The following HMGN1 variants were observed in gnomAD, a reference collection of about 807,000 sequenced individuals.
The protein encoded by HMGN1 is non-histone chromosomal protein HMG-14.
Under a neutral mutation model 18.4 loss-of-function variants are expected in HMGN1, and 9 were observed. That is an observed-to-expected ratio of 0.49 (90% CI 0.29 to 0.85). HMGN1 has a LOEUF of 0.85. HMGN1 is among the 40% of genes least tolerant of loss of function. The pLI is 0.07. For missense variants in HMGN1, 151 were observed against 119.2 expected, an observed-to-expected ratio of 1.27 and a Z score of -1.24; for synonymous variants, 59 against 45.0, an observed-to-expected ratio of 1.31 and a Z score of -1.24.
intron 1 of HMGN1, 138 bp downstream of exon 1, chr21:39,348,765 G>C: frequency 9.5e-7 from 1 of 1,054,780 alleles, no homozygotes; most frequent in Non-Finnish European, 1.3e-6. Flanking sequence ...CCGAGCGCTC[G>C]CCTGCCCGCC....
chr21:39,347,214 G>A, intron 4 of HMGN1: 1 of 465,954 alleles, frequency 2.1e-6, no homozygotes, highest in African/African-American at 2.1e-5. Context: ...CTGGTAATGA[G>A]AAATTTAAAG....
At chr21:39,348,601 TAG>T in intron 1 of HMGN1, 24 bp from the exon 2 acceptor site, 1 of 1,574,944 alleles carries the variant, frequency 6.3e-7, no homozygotes, top group Non-Finnish European at 8.6e-7. Flanking sequence ...GACGCACGAA[TAG>T]AGGCGGGCCG....
rs758194960 is a variant in HMGN1, at chr21:39,348,580, GCGGAGA to G, written c.16-9_16-4del. ...GCGGCGCCTTCGGCGGAGCTGACCT[GCGGAGA>G]CGGAGACGCACGAATAGAGGCGGGC... On this transcript the variant is annotated splice_region_variant and splice_polypyrimidine_tract_variant and intron_variant, in intron 1 of 5. Coordinates refer to ENST00000380749, the MANE Select transcript of HMGN1 (RefSeq NM_004965.7). The G allele has an allele frequency of 6.2e-7, 1 of 1,602,518 alleles. No homozygotes were observed. The highest frequency in any genetic ancestry group is 1.7e-5 in the Admixed American group (1 of 57,308).
intron 4 of HMGN1, chr21:39,347,473 T>G: frequency 2.3e-6 from 3 of 1,289,056 alleles, no homozygotes; most frequent in Non-Finnish European, 3.1e-6. Context: ...AGTGCTAAAC[T>G]TCTACCTACA....
rs1174017890 is a variant in HMGN1 at position 39,342,667 on chromosome 21, A to C, written c.*445T>G. On this transcript the variant is annotated 3_prime_UTR_variant, in exon 6 of 6. Coordinates refer to ENST00000380749, the MANE Select transcript of HMGN1 (RefSeq NM_004965.7). ...GAGTGCACACAATTCTGGCAGAGAG[A>C]GCCATGATCAAAGAGTGGTTTTCTT... The C allele has an allele frequency of 3.0e-6, 1 of 330,344 alleles. No individual in the cohort carries two copies. Among genetic ancestry groups the C allele is most frequent in the South Asian group, 2.3e-5 (1 of 43,442 alleles). The allele number at this position is 330,344 out of a possible 1,614,324, so 20.5% of individuals were successfully genotyped here.
intron 4 of HMGN1, chr21:39,347,416 A>T (rs2037094203): frequency 7.9e-7 from 1 of 1,264,522 alleles, no homozygotes; most frequent in Admixed American, 2.6e-5. Flanking sequence ...ATTATCCAAC[A>T]ACTCCTCAAT....
rs531651501 is a variant in HMGN1 at position 39,346,241 on chromosome 21, G to C, written c.127-967C>G. 6.7e-4 allele frequency: 223 copies of C among 331,412 alleles called. 2 individuals carry two copies. The highest frequency in any genetic ancestry group is 4.2e-3 in the African/African-American group (192 of 46,234). 20.5% of individuals were successfully genotyped at this position (331,412 alleles called of 1,614,324 possible). On this transcript the variant is annotated intron_variant, in intron 4 of 5. Transcript: ENST00000380749. ...CACAACTTCAATGCTAACACGGGCG[G>C]AAAAATCACTGCAGGGTGTTCTGTA...
intron 5 of HMGN1, among the ~76,000 whole-genome samples, chr21:39,343,997 G>T (rs1227584727): frequency 1.3e-5 from 2 of 152,202 alleles, no homozygotes; most frequent in Non-Finnish European, 2.9e-5. Context: ...GCTCACACCT[G>T]TAATACCAGC....
Position 39,348,896 on chromosome 21 carries a change from C to T in HMGN1, c.15+7G>A, listed in dbSNP as rs999914075. On this transcript the variant is annotated splice_region_variant and intron_variant, in intron 1 of 5. Coordinates refer to ENST00000380749, the MANE Select transcript of HMGN1 (RefSeq NM_004965.7). ...GGGGGCGTGTGCGGGCCGCGGCCGC[C>T]GCTCACCTTCCTCTTGGGCATCGTG... is the stretch of plus-strand genomic sequence containing the variant. 13 of 1,162,694 alleles carry T rather than the reference C, an allele frequency of 1.1e-5. No homozygotes were observed. In the African/African-American group the frequency reaches 1.9e-4, roughly 17 times the overall value. 72.0% of individuals were successfully genotyped at this position (1,162,694 alleles called of 1,614,324 possible).
At position 39,347,432 on chromosome 21, in the gene HMGN1, G is replaced by C. The variant is rs1352672675; in HGVS notation, c.126+860C>G. ...TTATCCAACAACTCCTCAATGTCAA[G>C]GAAATTAATCTTGCCTCTTCTGATG... On this transcript the variant is annotated intron_variant, in intron 4 of 5. Transcript: ENST00000380749. The C allele has an allele frequency of 2.3e-6, 3 of 1,286,018 alleles. No individual in the cohort carries two copies. The African/African-American group carries it at 4.6e-5, about 20-fold the overall frequency. The allele number at this position is 1,286,018 out of a possible 1,614,324, so 79.7% of individuals were successfully genotyped here.
Position 39,342,566 on chromosome 21 carries a change from C to T in HMGN1, c.*546G>A, listed in dbSNP as rs546281671. 2.3e-5 allele frequency: 7 copies of T among 306,406 alleles called. No homozygotes were observed. Among genetic ancestry groups the T allele is most frequent in the African/African-American group, 1.6e-4 (7 of 44,764 alleles). The allele number at this position is 306,406 out of a possible 1,614,324, so 19.0% of individuals were successfully genotyped here. On this transcript the variant is annotated 3_prime_UTR_variant, in exon 6 of 6. Coordinates refer to ENST00000380749, the MANE Select transcript of HMGN1 (RefSeq NM_004965.7). ...TCACAACTCAACAGCACGTACACTA[C>T]ATGTTCAAATCTGTAATCTTTCACA...
At chr21:39,345,109 T>TCACATACACACACACACACACACA (rs2036997708) in intron 5 of HMGN1, 37 bp downstream of exon 5, 1 of 1,123,312 alleles carries the variant, frequency 8.9e-7, no homozygotes, top group African/African-American at 1.6e-5. Context: ...GTCAAAGCAA[T>TCACATACACACACACACACACACA]CACACACACA....
rs2037175861 is a variant in HMGN1, at chr21:39,349,018, C to T, written c.-101G>A. 2.6e-6 allele frequency: 3 copies of T among 1,175,294 alleles called. No individual in the cohort carries two copies. The highest frequency in any genetic ancestry group is 3.2e-5 in the African/African-American group (2 of 62,422). 72.8% of individuals were successfully genotyped at this position (1,175,294 alleles called of 1,614,324 possible). A position where few individuals can be genotyped will look rare whatever the true frequency, so the allele number is the denominator to read the frequency against. Reference sequence around the variant, plus strand: ...CGACAGCCTTCGCGAAACTGGGCTGCCTTGCCGCTGCCACTCCTCCCGCCG... The same window carrying T: ...CGACAGCCTTCGCGAAACTGGGCTGTCTTGCCGCTGCCACTCCTCCCGCCG... On this transcript the variant is annotated 5_prime_UTR_variant, in exon 1 of 6. Transcript: ENST00000380749.
At chr21:39,345,815 A>G (rs1027651351) in intron 4 of HMGN1, 39 of 1,297,764 alleles carry the variant, frequency 3.0e-5, no homozygotes, top group Non-Finnish European at 3.7e-5. Flanking sequence ...TAACCCTCAC[A>G]TTAAGACCAA....
intron 4 of HMGN1, chr21:39,346,512 T>C (rs1306690884): frequency 6.5e-6 from 1 of 152,876 alleles, no homozygotes; most frequent in East Asian, 1.9e-4. Context: ...GAATACATAA[T>C]ATCTTGGACT....
chr21:39,348,046 CTTAATAT>C (rs1310053454), intron 4 of HMGN1: 30 of 1,056,248 alleles, frequency 2.8e-5, no homozygotes, highest in South Asian at 9.4e-5. Context: ...CCTTTGTAGA[CTTAATAT>C]TTAATATTTT....
chr21:39,344,866 A>G (rs2036988273), intron 5 of HMGN1, among the ~76,000 whole-genome samples: 1 of 152,218 alleles, frequency 6.6e-6, no homozygotes, highest in African/African-American at 2.4e-5. Flanking sequence ...ATATATTTAA[A>G]AGCAACATCC....
At chr21:39,348,848 G>C in intron 1 of HMGN1, 55 bp downstream of exon 1, 1 of 1,057,170 alleles carries the variant, frequency 9.5e-7, no homozygotes, top group African/African-American at 1.7e-5. Context: ...GCGGGGCCCG[G>C]CGGGGCGCCG....
rs1601545197 is a variant in HMGN1 at position 39,343,178 on chromosome 21, T to C, written c.256-19A>G. On this transcript the variant is annotated intron_variant, in intron 5 of 5. Transcript: ENST00000380749. ...CTGGACTCTGCAAAAGAAAGGAAAT[T>C]GAGATCTTTAGCATTTAACACGTTG... 1 of 1,586,650 alleles carries C rather than the reference T, an allele frequency of 6.3e-7. No homozygotes were observed. Among genetic ancestry groups the C allele is most frequent in the East Asian group, 2.2e-5 (1 of 44,446 alleles).
Sources: gnomAD v4.1 joint callset for allele counts (sites outside exome capture counted in the v4.1 genomes callset) on GRCh38, gnomAD v4.1.1 for gene constraint, MANE v1.5 for transcripts, NCBI Gene and HGNC (gene_info 2026-07-23, HGNC 2026-07-21) for gene names.